RBFOX1: variants seen among roughly 807,000 people sequenced by gnomAD.
The protein encoded by RBFOX1 is RNA binding fox-1 homolog 1.
RBFOX1 carries 8 observed loss-of-function variants against 57.7 expected under a neutral mutation model. The observed-to-expected ratio is 0.14, with a 90% CI of 0.08 to 0.25. RBFOX1 has a LOEUF of 0.25. Among genes scored for constraint, RBFOX1 ranks in the 10% least tolerant of loss-of-function variants. RBFOX1 has a pLI of 1.00. For synonymous variants in RBFOX1, 326 were observed against 222.4 expected (o/e 1.47, Z -4.15); for missense variants, 611 against 548.5 (o/e 1.11, Z -1.14).
intron 4 of RBFOX1, among the ~76,000 whole-genome samples, chr16:5,960,484 A>T (rs552829738): frequency 7.2e-5 from 11 of 152,230 alleles, no homozygotes; most frequent in Non-Finnish European, 1.5e-4. Flanking sequence ...AGCTATGACA[A>T]TGTCATCTTC....
chr16:7,687,287 G>C (rs1388584367), intron 14 of RBFOX1, among the ~76,000 whole-genome samples: 1 of 152,070 alleles, frequency 6.6e-6, no homozygotes, highest in Non-Finnish European at 1.5e-5. Flanking sequence ...AGTATTTTAT[G>C]TGGAAAGGAG....
chr16:6,928,445 C>A (rs777428943), intron 3 of RBFOX1, among the ~76,000 whole-genome samples: 1 of 152,128 alleles, frequency 6.6e-6, no homozygotes, highest in Non-Finnish European at 1.5e-5. Flanking sequence ...CAGCCAAGAG[C>A]TCAGGACATG....
chr16:5,672,757 T>A (rs1471399805), intron 3 of RBFOX1, among the ~76,000 whole-genome samples: 1 of 152,136 alleles, frequency 6.6e-6, no homozygotes, highest in African/African-American at 2.4e-5. Context: ...CTGTAATTTG[T>A]GTGGCTCACA....
intron 3 of RBFOX1, among the ~76,000 whole-genome samples, chr16:6,955,295 A>T (rs1458735163): frequency 1.3e-5 from 2 of 152,002 alleles, no homozygotes; most frequent in African/African-American, 4.8e-5. Context: ...CGTACGATTA[A>T]GTAAGTTATC....
At chr16:7,522,662 C>T (rs1254764493) in intron 5 of RBFOX1, among the ~76,000 whole-genome samples, 2 of 152,086 alleles carry the variant, frequency 1.3e-5, no homozygotes, top group African/African-American at 2.4e-5. Context: ...TTAGATTCAA[C>T]TAATTTATGC....
At chr16:5,713,639 G>A (rs1298231712) in intron 3 of RBFOX1, among the ~76,000 whole-genome samples, 1 of 152,190 alleles carries the variant, frequency 6.6e-6, no homozygotes, top group Non-Finnish European at 1.5e-5. Context: ...AAGGAGCTAT[G>A]AGGAATGCTG....
intron 3 of RBFOX1, among the ~76,000 whole-genome samples, chr16:5,784,181 G>A (rs537189487): frequency 4.9e-4 from 75 of 152,260 alleles, no homozygotes; most frequent in African/African-American, 1.7e-3. Flanking sequence ...CAGCACTTTG[G>A]GAGGCTAAGG....
intron 4 of RBFOX1, among the ~76,000 whole-genome samples, chr16:7,212,202 T>C (rs2152794828): frequency 6.6e-6 from 1 of 152,246 alleles, no homozygotes; most frequent in African/African-American, 2.4e-5. Context: ...ACATAGGTCT[T>C]TTAGGGTCAA....
chr16:6,827,020 A>C (rs991036981), intron 3 of RBFOX1, among the ~76,000 whole-genome samples: 11 of 152,152 alleles, frequency 7.2e-5, no homozygotes, highest in Admixed American at 2.0e-4. Flanking sequence ...CTAACTTTTT[A>C]GTCTGGGGAG....
chr16:5,749,553 C>T (rs1393931059), intron 3 of RBFOX1, among the ~76,000 whole-genome samples: 1 of 152,180 alleles, frequency 6.6e-6, no homozygotes, highest in African/African-American at 2.4e-5. Flanking sequence ...TTCTTGGAGG[C>T]TTTGTTCGTT....
intron 3 of RBFOX1, among the ~76,000 whole-genome samples, chr16:5,801,763 G>A (rs2055064977): frequency 6.6e-6 from 1 of 152,176 alleles, no homozygotes; most frequent in Non-Finnish European, 1.5e-5. Context: ...TGTGTTGTTT[G>A]TTTGTTTTAT....
intron 2 of RBFOX1, among the ~76,000 whole-genome samples, chr16:5,528,039 G>A (rs78718144): frequency 0.011 from 1,657 of 152,278 alleles, 20 homozygotes; most frequent in Middle Eastern, 0.078. Context: ...ACTAATGGGT[G>A]CTCAACATTC....
intron 3 of RBFOX1, among the ~76,000 whole-genome samples, chr16:6,966,471 A>T (rs758191494): frequency 1.3e-5 from 2 of 152,130 alleles, no homozygotes; most frequent in Non-Finnish European, 1.5e-5. Flanking sequence ...TCTGCCATCC[A>T]CGGAGCATGA....
intron 7 of RBFOX1, among the ~76,000 whole-genome samples, chr16:7,592,854 C>G (rs2094514324): frequency 6.6e-6 from 1 of 152,134 alleles, no homozygotes; most frequent in African/African-American, 2.4e-5. Flanking sequence ...GGGTGTCACC[C>G]AGGCTGGAGT....
intron 3 of RBFOX1, among the ~76,000 whole-genome samples, chr16:6,948,565 A>G: frequency 6.6e-6 from 1 of 151,626 alleles, no homozygotes; most frequent in East Asian, 2.0e-4. Flanking sequence ...GATTTTTAGT[A>G]GAGACAGGGT....
chr16:6,883,610 C>G (rs140008171), intron 3 of RBFOX1, among the ~76,000 whole-genome samples: 38 of 152,326 alleles, frequency 2.5e-4, no homozygotes, highest in African/African-American at 8.7e-4. Context: ...TCAAGCTGTT[C>G]TACTCTGTGT....
At chr16:5,273,639 A>G (rs545124797) in intron 1 of RBFOX1, among the ~76,000 whole-genome samples, 2 of 152,266 alleles carry the variant, frequency 1.3e-5, no homozygotes, top group East Asian at 3.9e-4. Flanking sequence ...GGAAGCCAAG[A>G]TGAAGAGAAG....
At chr16:7,308,926 G>T (rs1235744638) in intron 4 of RBFOX1, among the ~76,000 whole-genome samples, 2 of 152,126 alleles carry the variant, frequency 1.3e-5, no homozygotes, top group Non-Finnish European at 2.9e-5. Flanking sequence ...ATTTATAGGG[G>T]GCCAAATGGA....
intron 1 of RBFOX1, among the ~76,000 whole-genome samples, chr16:6,091,943 C>G (rs1268063754): frequency 3.3e-5 from 5 of 152,224 alleles, no homozygotes; most frequent in African/African-American, 9.6e-5. Flanking sequence ...ACCTCCCCAT[C>G]TATCTGTCCA....
Sources: allele counts gnomAD v4.1 joint callset (sites outside exome capture counted in the v4.1 genomes callset), GRCh38; gene constraint gnomAD v4.1.1; transcripts MANE v1.5; gene names NCBI Gene and HGNC (gene_info 2026-07-23, HGNC 2026-07-21).